RIMS2: variants seen among roughly 807,000 people sequenced by gnomAD.
The protein encoded by RIMS2 is regulating synaptic membrane exocytosis protein 2.
In RIMS2, 59 loss-of-function variants were observed where a neutral mutation model predicts 174.4. The observed-to-expected ratio is 0.34, with a 90% CI of 0.27 to 0.42. The LOEUF is 0.42. RIMS2 is among the 10% of genes least tolerant of loss of function. The probability of loss-of-function intolerance (pLI) is 1.00; values close to 1 mark genes in which losing one functional copy is unlikely to be tolerated. For synonymous variants in RIMS2, 606 were observed against 572.5 expected (o/e 1.06, Z -0.84); for missense variants, 1,620 against 1,666.3 (o/e 0.97, Z 0.48).
At chr8:104,036,763 G>A (rs1403847274) in intron 19 of RIMS2, among the ~76,000 whole-genome samples, 1 of 151,900 alleles carries the variant, frequency 6.6e-6, no homozygotes, top group Non-Finnish European at 1.5e-5. Context: ...TGTAATCCCA[G>A]CTACTCAGGA....
At chr8:104,200,372 A>C (rs982055621) in intron 19 of RIMS2, among the ~76,000 whole-genome samples, 2 of 152,138 alleles carry the variant, frequency 1.3e-5, no homozygotes, top group African/African-American at 4.8e-5. Flanking sequence ...TTTCCTTAGA[A>C]ACTTATTTTA....
intron 19 of RIMS2, among the ~76,000 whole-genome samples, chr8:104,121,173 A>C (rs150001662): frequency 6.6e-6 from 1 of 152,316 alleles, no homozygotes; most frequent in African/African-American, 2.4e-5. Flanking sequence ...ATTATAATAC[A>C]GTTATAATCA....
intron 1 of RIMS2, among the ~76,000 whole-genome samples, chr8:103,587,443 A>C (rs542463486): frequency 8.8e-5 from 11 of 124,932 alleles, no homozygotes; most frequent in Admixed American, 2.3e-4. Flanking sequence ...AAAGAAAGAA[A>C]GAAAGAAAGA....
At chr8:104,126,666 T>C (rs1389765636) in intron 19 of RIMS2, among the ~76,000 whole-genome samples, 1 of 152,208 alleles carries the variant, frequency 6.6e-6, no homozygotes, top group Non-Finnish European at 1.5e-5. Context: ...TGAGTGCTTG[T>C]AACACAATGC....
At chr8:104,001,058 T>C (rs756619840) in intron 17 of RIMS2, among the ~76,000 whole-genome samples, 5 of 151,882 alleles carry the variant, frequency 3.3e-5, no homozygotes, top group Non-Finnish European at 7.4e-5. Flanking sequence ...TACAGAAGCT[T>C]TTCACCTTGA....
At chr8:103,878,185 TCTC>T (rs1468979501) in intron 3 of RIMS2, among the ~76,000 whole-genome samples, 1 of 151,894 alleles carries the variant, frequency 6.6e-6, no homozygotes, top group East Asian at 1.9e-4. Flanking sequence ...TGTCTTTTCT[TCTC>T]CTTCTGCTGT....
intron 1 of RIMS2, among the ~76,000 whole-genome samples, chr8:103,649,420 G>A (rs2096407177): frequency 6.6e-6 from 1 of 151,902 alleles, no homozygotes; most frequent in African/African-American, 2.4e-5. Context: ...TATGTGTCTT[G>A]GGGTTGATCT....
chr8:103,613,875 A>G (rs1386056123), intron 1 of RIMS2, among the ~76,000 whole-genome samples: 3 of 152,156 alleles, frequency 2.0e-5, no homozygotes, highest in South Asian at 2.1e-4. Context: ...GACTCTTTTC[A>G]GTGCCCTGTC....
intron 2 of RIMS2, among the ~76,000 whole-genome samples, chr8:103,750,219 G>A (rs879145478): frequency 3.3e-5 from 5 of 151,716 alleles, no homozygotes; most frequent in African/African-American, 1.2e-4. Context: ...AGTAACTTTA[G>A]TAAAACAAAA....
intron 1 of RIMS2, among the ~76,000 whole-genome samples, chr8:103,618,823 C>A (rs7015973): frequency 0.06 from 9,073 of 152,030 alleles, 900 homozygotes; most frequent in African/African-American, 0.2. Context: ...TGAGAGTTTT[C>A]TCTGAGGGTA....
chr8:104,039,721 T>A (rs1256922170), intron 19 of RIMS2, among the ~76,000 whole-genome samples: 1 of 151,708 alleles, frequency 6.6e-6, no homozygotes, highest in Non-Finnish European at 1.5e-5. Context: ...AAAGTCGGCA[T>A]TTGCCTAGGG....
chr8:104,200,645 C>T (rs140344836), intron 19 of RIMS2, among the ~76,000 whole-genome samples: 3 of 152,314 alleles, frequency 2.0e-5, no homozygotes, highest in South Asian at 4.1e-4. Context: ...GTGGCGCTCA[C>T]GCTGTAATCC....
chr8:103,997,899 A>G (rs2095199222), intron 17 of RIMS2, among the ~76,000 whole-genome samples: 1 of 147,918 alleles, frequency 6.8e-6, no homozygotes, highest in Non-Finnish European at 1.5e-5. Flanking sequence ...ATGGTAAAGC[A>G]TCTCTATCAT....
chr8:103,975,521 T>G lies in RIMS2; in HGVS notation c.2927+15T>G. The G allele has an allele frequency of 3.1e-6, 5 of 1,600,842 alleles. No homozygotes were observed. The highest frequency in any genetic ancestry group is 3.4e-6 in the Non-Finnish European group (4 of 1,168,842). On this transcript the variant is annotated intron_variant, in intron 16 of 23. Coordinates refer to ENST00000504942, the Ensembl canonical transcript of RIMS2. ...CCTCCACAAAGGTAAGATAGACTAC[T>G]TATTTTATTTGTAGGGTGGCTGTAT...
chr8:103,797,214 A>T (rs1300418639), intron 3 of RIMS2, among the ~76,000 whole-genome samples: 1 of 152,134 alleles, frequency 6.6e-6, no homozygotes, highest in African/African-American at 2.4e-5. Context: ...ATTCCTAGTT[A>T]CTTGAGCCCT....
chr8:103,894,998 T>A (rs11990275), intron 4 of RIMS2, among the ~76,000 whole-genome samples: 1 of 151,534 alleles, frequency 6.6e-6, no homozygotes, highest in Non-Finnish European at 1.5e-5. Flanking sequence ...ACTAAAAAAA[T>A]TAAGTTTTAA....
intron 1 of RIMS2, among the ~76,000 whole-genome samples, chr8:103,550,099 A>T (rs1381296349): frequency 6.6e-6 from 1 of 152,216 alleles, no homozygotes; most frequent in Non-Finnish European, 1.5e-5. Context: ...CTCTGCACCA[A>T]GCAGACCTAA....
chr8:103,924,798 C>G lies in RIMS2; in HGVS notation c.2196+3014C>G, dbSNP rs1299223552. Reference sequence around the variant, plus strand: ...TAAATTCGTTGTTTACATTTTCATGCTCAAGGCTGTTGATTTTTTTAAATG... The same window carrying G: ...TAAATTCGTTGTTTACATTTTCATGGTCAAGGCTGTTGATTTTTTTAAATG... On this transcript the variant is annotated intron_variant, in intron 10 of 23. Transcript: ENST00000504942. Among the ~76,000 whole-genome samples the G allele has an allele frequency of 4.0e-5, 6 of 151,624 alleles. No individual in the cohort carries two copies. In the East Asian group the frequency reaches 1.2e-3, roughly 29 times the overall value.
rs1364979360 is a variant in RIMS2 at position 103,788,212 on chromosome 8, T to C, written c.698+21675T>C. On this transcript the variant is annotated intron_variant, in intron 3 of 23. Coordinates refer to ENST00000504942, the Ensembl canonical transcript of RIMS2. ...AGTTTTCAACTTCTTTGCCTTTGGT[T>C]TGAATGTCCTCCCATAGCTCAGAGT... Among the ~76,000 whole-genome samples, 86 of 150,854 alleles carry C rather than the reference T, an allele frequency of 5.7e-4. 1 individual carries two copies. The highest frequency in any genetic ancestry group is 1.8e-3 in the African/African-American group (72 of 41,108).
Sources: gnomAD v4.1 joint callset for allele counts (sites outside exome capture counted in the v4.1 genomes callset) on GRCh38, gnomAD v4.1.1 for gene constraint, MANE v1.5 for transcripts, NCBI Gene and HGNC (gene_info 2026-07-23, HGNC 2026-07-21) for gene names.